SAYSD1: variants seen among roughly 807,000 people sequenced by gnomAD.
SAYSD1 encodes the protein SAYSVFN motif domain containing 1.
Under a neutral mutation model 14.5 loss-of-function variants are expected in SAYSD1, and 15 were observed. The observed-to-expected ratio is 1.03, with a 90% CI of 0.69 to 1.59. The LOEUF (loss-of-function observed/expected upper bound fraction) is 1.59, where lower values mean the gene tolerates loss of function less well. Among genes scored for constraint, SAYSD1 ranks in the 40% most tolerant of loss-of-function variants. The probability of loss-of-function intolerance (pLI) is 0.00; values close to 1 mark genes in which losing one functional copy is unlikely to be tolerated. For missense variants in SAYSD1, 247 were observed against 227.3 expected (o/e 1.09, Z -0.56); for synonymous variants, 105 against 102.6 (o/e 1.02, Z -0.14).
rs148365104 is a variant in SAYSD1, at chr6:39,112,233, T to C, written c.207+2650A>G. 7 of 152,910 alleles carry C rather than the reference T, an allele frequency of 4.6e-5. No individual in the cohort carries two copies. The South Asian group carries it at 1.2e-3, about 27-fold the overall frequency. The allele number at this position is 152,910 out of a possible 1,614,324, so 9.5% of individuals were successfully genotyped here. ...ATGAATGATGACCTTCAAGAGACTA[T>C]AAAACTGAATGGAAAAACATTAACA... On this transcript the variant is annotated intron_variant, in intron 1 of 1. Coordinates refer to ENST00000229903, the MANE Select transcript of SAYSD1 (RefSeq NM_018322.3).
At chr6:39,114,781 C>T in intron 1 of SAYSD1, 102 bp downstream of exon 1, 1 of 1,197,044 alleles carries the variant, frequency 8.4e-7, no homozygotes, top group Admixed American at 1.9e-5. Flanking sequence ...GGGCCAGTAG[C>T]CCCGCCTCCG....
chr6:39,115,163 G>A lies in SAYSD1; in HGVS notation c.-74C>T. 2 of 1,376,836 alleles carry A rather than the reference G, an allele frequency of 1.5e-6. No individual in the cohort carries two copies. Among genetic ancestry groups the A allele is most frequent in the South Asian group, 1.5e-5 (1 of 68,432 alleles). 85.3% of individuals were successfully genotyped at this position (1,376,836 alleles called of 1,614,324 possible). A position where few individuals can be genotyped will look rare whatever the true frequency, so the allele number is the denominator to read the frequency against. ...GCCGCACAGCAGTTGCCTCCGCTCG[G>A]CCCGCGCCGGCCGCCGTGCGCCTGC... is the stretch of plus-strand genomic sequence containing the variant. On this transcript the variant is annotated 5_prime_UTR_variant, in exon 1 of 2. Transcript: ENST00000229903.
chr6:39,114,736 C>T, intron 1 of SAYSD1, 147 bp downstream of exon 1: 1 of 735,226 alleles, frequency 1.4e-6, no homozygotes, highest in Non-Finnish European at 2.2e-6. Flanking sequence ...CACGTGTGGC[C>T]GGAGATGAGC....
rs567111384 is a variant in SAYSD1 at position 39,108,429 on chromosome 6, T to TG, written c.208-2654dup. ...AGCTAGAGGTAGATGGGTGTGGGGGTGGGGGGGTAAACAAACTGACGAAGG... is the reference window on the plus strand; with the variant it reads ...AGCTAGAGGTAGATGGGTGTGGGGGTGGGGGGGGTAAACAAACTGACGAAGG... On this transcript the variant is annotated intron_variant, in intron 1 of 1. Coordinates refer to ENST00000229903, the MANE Select transcript of SAYSD1 (RefSeq NM_018322.3). Among the ~76,000 whole-genome samples, 139 of 68,314 alleles carry TG rather than the reference T, an allele frequency of 2.0e-3. 3 individuals are homozygous for TG. The South Asian group carries it at 0.023, about 11-fold the overall frequency. 44.8% of individuals were successfully genotyped at this position (68,314 alleles called of 152,430 possible). A position where few individuals can be genotyped will look rare whatever the true frequency, so the allele number is the denominator to read the frequency against.
At chr6:39,109,959 T>C (rs1220645235) in intron 1 of SAYSD1, among the ~76,000 whole-genome samples, 2 of 152,164 alleles carry the variant, frequency 1.3e-5, no homozygotes, top group Non-Finnish European at 2.9e-5. Flanking sequence ...TATACTACAG[T>C]TTCTTTATCC....
chr6:39,114,779 A>G lies in SAYSD1; in HGVS notation c.207+104T>C, dbSNP rs1769703877. Reference sequence around the variant, plus strand: ...CCCTCGATCAGGATGGGGGGCCAGTAGCCCCGCCTCCGGCAGCTAGGGCCA... The same window carrying G: ...CCCTCGATCAGGATGGGGGGCCAGTGGCCCCGCCTCCGGCAGCTAGGGCCA... On this transcript the variant is annotated intron_variant, in intron 1 of 1. Transcript: ENST00000229903. The G allele has an allele frequency of 2.6e-6, 3 of 1,152,066 alleles. No homozygotes were observed. The Admixed American group carries it at 5.7e-5, about 22-fold the overall frequency. 71.4% of individuals were successfully genotyped at this position (1,152,066 alleles called of 1,614,324 possible). A position where few individuals can be genotyped will look rare whatever the true frequency, so the allele number is the denominator to read the frequency against.
chr6:39,106,086 A>G (rs1583665586), intron 1 of SAYSD1, among the ~76,000 whole-genome samples: 1 of 152,228 alleles, frequency 6.6e-6, no homozygotes. Context: ...TGTGCCCCAT[A>G]CAGAAACTCC....
chr6:39,109,477 C>T lies in SAYSD1; in HGVS notation c.208-3701G>A, dbSNP rs372428248. 26 of 1,513,232 alleles carry T rather than the reference C, an allele frequency of 1.7e-5. 1 individual carries two copies. Among genetic ancestry groups the T allele is most frequent in the East Asian group, 7.4e-5 (3 of 40,630 alleles). The allele number at this position is 1,513,232 out of a possible 1,614,324, so 93.7% of individuals were successfully genotyped here. On this transcript the variant is annotated intron_variant, in intron 1 of 1. Coordinates refer to ENST00000229903, the MANE Select transcript of SAYSD1 (RefSeq NM_018322.3). ...TTGTCAGTCACAGCGAGGCCCGGGT[C>T]GGGGCAGAGGCATCATTGCAGTCAG...
At chr6:39,106,240 T>TAA (rs201449716) in intron 1 of SAYSD1, among the ~76,000 whole-genome samples, 3 of 148,952 alleles carry the variant, frequency 2.0e-5, no homozygotes, top group South Asian at 2.1e-4. Flanking sequence ...TTTTTACGTT[T>TAA]AAAAAAAAAA....
In SAYSD1 at chr6:39,109,424, C is replaced by CAT. The variant is rs1466196777; in HGVS notation, c.208-3649_208-3648insAT. ...AAGGAGGATGTAGATACTTCCTCAT[C>CAT]AATGACTGCTGAAAAGATGCAGCGG... On this transcript the variant is annotated intron_variant, in intron 1 of 1. Transcript: ENST00000229903. 59 of 1,548,980 alleles carry CAT rather than the reference C, an allele frequency of 3.8e-5. No homozygotes were observed. In the East Asian group the frequency reaches 7.6e-4, roughly 20 times the overall value.
chr6:39,105,599 A>G lies in SAYSD1; in HGVS notation c.385T>C (p.Ser129Pro). Residue 129 changes from serine to proline, a missense_variant, in exon 2 of 2, where the codon TCC becomes CCC. By Grantham distance (74) the Ser-to-Pro change is moderately conservative (BLOSUM62 -1). Coordinates refer to ENST00000229903, the MANE Select transcript of SAYSD1 (RefSeq NM_018322.3). ...CCGACGTACATCCAATAGAACAAGG[A>G]CAGGACAAAATATGCCAGGCCAAAT... The part of the protein sequence containing the change: ...LEFGLAYFVL[S>P]LFYWMYVGTR... 6.2e-6 allele frequency: 10 copies of G among 1,614,148 alleles called. No homozygotes were observed. The highest frequency in any genetic ancestry group is 8.5e-6 in the Non-Finnish European group (10 of 1,179,998).
chr6:39,114,688 G>C (rs144122635), intron 1 of SAYSD1, among the ~76,000 whole-genome samples, 195 bp downstream of exon 1: 135 of 152,324 alleles, frequency 8.9e-4, no homozygotes, highest in African/African-American at 3.1e-3. Context: ...GTGGGTCGCG[G>C]GCTGGAAAGA....
chr6:39,105,480 T>G lies in SAYSD1; in HGVS notation c.504A>C (p.Ala168=), dbSNP rs554302721. ...GCEAIQGTLT[A]EQLERELQLR... ...ACTGTAACTCGCGCTCCAACTGCTC[T>G]GCAGTCAGGGTGCCCTGGATGGCTT... Residue 168 remains alanine, a synonymous_variant, in exon 2 of 2, where the codon GCA becomes GCC. Transcript: ENST00000229903. 4.3e-6 allele frequency: 7 copies of G among 1,614,120 alleles called. No homozygotes were observed. Among genetic ancestry groups the G allele is most frequent in the Non-Finnish European group, 5.9e-6 (7 of 1,180,048 alleles).
intron 1 of SAYSD1, chr6:39,109,338 G>A (rs1769581287): frequency 6.4e-7 from 1 of 1,551,094 alleles, no homozygotes; most frequent in Non-Finnish European, 8.7e-7. Context: ...TAATGTGGAA[G>A]AAGCTCGTCA....
At chr6:39,112,890 G>C (rs568128060) in intron 1 of SAYSD1, 1 of 154,842 alleles carries the variant, frequency 6.5e-6, no homozygotes, top group South Asian at 2.1e-4. Flanking sequence ...GTATGAAAAA[G>C]AGAAAGCAGA....
chr6:39,105,982 A>C (rs1292890707), intron 1 of SAYSD1, among the ~76,000 whole-genome samples: 1 of 152,204 alleles, frequency 6.6e-6, no homozygotes, highest in Non-Finnish European at 1.5e-5. Flanking sequence ...GCACTTAGTG[A>C]GATGTGACCT....
chr6:39,115,101 C>T lies in SAYSD1; in HGVS notation c.-12G>A. Reference sequence around the variant, plus strand: ...AACCGCTGTTCCATGGCGCGCGCCTCGCGTCCGTTGGCCGATAAGGGAGCG... The same window carrying T: ...AACCGCTGTTCCATGGCGCGCGCCTTGCGTCCGTTGGCCGATAAGGGAGCG... On this transcript the variant is annotated 5_prime_UTR_variant, in exon 1 of 2. Transcript: ENST00000229903. 1 of 1,596,130 alleles carries T rather than the reference C, an allele frequency of 6.3e-7. No individual in the cohort carries two copies. Among genetic ancestry groups the T allele is most frequent in the Non-Finnish European group, 8.5e-7 (1 of 1,175,294 alleles).
Position 39,105,309 on chromosome 6 carries a change from A to G in SAYSD1, c.*123T>C, listed in dbSNP as rs988352722. On this transcript the variant is annotated 3_prime_UTR_variant, in exon 2 of 2. Coordinates refer to ENST00000229903, the MANE Select transcript of SAYSD1 (RefSeq NM_018322.3). ...AAAGATCAGGGAAAGAAGGTAGAAA[A>G]ACTATGCAGTCACAGAGCTAACCCG... 1 of 741,822 alleles carries G rather than the reference A, an allele frequency of 1.3e-6. No homozygotes were observed. The highest frequency in any genetic ancestry group is 1.8e-5 in the South Asian group (1 of 56,714). The allele number at this position is 741,822 out of a possible 1,614,324, so 46.0% of individuals were successfully genotyped here.
intron 1 of SAYSD1, chr6:39,109,239 G>T: frequency 7.6e-7 from 1 of 1,324,302 alleles, no homozygotes; most frequent in Non-Finnish European, 1.1e-6. Flanking sequence ...GGGGCAGGGT[G>T]GTGTGCTGGG....
Sources: gnomAD v4.1 joint callset for allele counts (sites outside exome capture counted in the v4.1 genomes callset) on GRCh38, gnomAD v4.1.1 for gene constraint, MANE v1.5 for transcripts, NCBI Gene and HGNC (gene_info 2026-07-23, HGNC 2026-07-21) for gene names.